The following YBX1 variants were observed in gnomAD, a reference collection of about 807,000 sequenced individuals.
YBX1 encodes Y-box-binding protein 1.
Under a neutral mutation model 41.4 loss-of-function variants are expected in YBX1, and 3 were observed. That is an observed-to-expected ratio of 0.07 (90% CI 0.03 to 0.19). The LOEUF (loss-of-function observed/expected upper bound fraction) is 0.19. Among genes scored for constraint, YBX1 ranks in the 10% least tolerant of loss-of-function variants. YBX1 has a pLI of 1.00. For synonymous variants in YBX1, 133 were observed against 165.8 expected (o/e 0.80, Z 1.52); for missense variants, 274 against 462.8 (o/e 0.59, Z 3.74).
In YBX1 at chr1:42,696,417, C is replaced by A; in HGVS notation, c.354+129C>A. On this transcript the variant is annotated intron_variant, in intron 4 of 7. Coordinates refer to ENST00000321358, the MANE Select transcript of YBX1 (RefSeq NM_004559.5). This position sits in a 1 kb window ranked among gnomAD's most constrained non-coding sequence, Gnocchi z 5.7. ...ACCTCATGAACACAGGTGCATCAAG[C>A]CTAATGTTCTGGCTGCAGTTAGAGG... 1.9e-6 allele frequency: 2 copies of A among 1,036,568 alleles called. No homozygotes were observed. The highest frequency in any genetic ancestry group is 2.8e-6 in the Non-Finnish European group (2 of 710,314). The allele number at this position is 1,036,568 out of a possible 1,614,324, so 64.2% of individuals were successfully genotyped here.
chr1:42,701,559 C>T (rs1570426660), intron 7 of YBX1, among the ~76,000 whole-genome samples: 2 of 150,590 alleles, frequency 1.3e-5, no homozygotes, highest in Middle Eastern at 3.4e-3. Flanking sequence ...ATGTTGTTCC[C>T]GGAAAAAGAC....
rs1055268853 is a variant in YBX1, at chr1:42,682,709, C to T, written c.144C>T (p.Ala48=). The T allele has an allele frequency of 1.3e-5, 16 of 1,247,890 alleles. No homozygotes were observed. The highest frequency in any genetic ancestry group is 3.3e-5 in the South Asian group (1 of 29,882). 77.3% of individuals were successfully genotyped at this position (1,247,890 alleles called of 1,614,324 possible). A position where few individuals can be genotyped will look rare whatever the true frequency, so the allele number is the denominator to read the frequency against. ...GCGGCCTCACATCGGCGGCGCCTGCCGGCGGGGACAAGAAGGTCATCGGTG... is the reference window on the plus strand; with the variant it reads ...GCGGCCTCACATCGGCGGCGCCTGCTGGCGGGGACAAGAAGGTCATCGGTG... ...GPGGLTSAAP[A]GGDKKVIATK... The change falls in exon 1 of 8, where the codon GCC becomes GCT. Residue 48 remains alanine (A), a synonymous_variant. Coordinates refer to ENST00000321358, the MANE Select transcript of YBX1 (RefSeq NM_004559.5).
At chr1:42,684,286 A>C (rs1364605086) in intron 2 of YBX1, among the ~76,000 whole-genome samples, 1 of 152,236 alleles carries the variant, frequency 6.6e-6, no homozygotes, top group African/African-American at 2.4e-5. Flanking sequence ...GACGCACTGT[A>C]TTCCATGGGC....
At position 42,682,460 on chromosome 1, in the gene YBX1, C is replaced by A. The variant is rs939149437; in HGVS notation, c.-106C>A. On this transcript the variant is annotated 5_prime_UTR_variant, in exon 1 of 8. Coordinates refer to ENST00000321358, the MANE Select transcript of YBX1 (RefSeq NM_004559.5). Reference sequence around the variant, plus strand: ...CGGTAGCGGGAGCGGAGAGCGGACCCCAGAGAGCCCTGAGCAGCCCCACCG... The same window carrying A: ...CGGTAGCGGGAGCGGAGAGCGGACCACAGAGAGCCCTGAGCAGCCCCACCG... The A allele has an allele frequency of 1.5e-5, 19 of 1,250,856 alleles. No homozygotes were observed. Among genetic ancestry groups the A allele is most frequent in the South Asian group, 4.1e-5 (2 of 49,038 alleles). The allele number at this position is 1,250,856 out of a possible 1,614,324, so 77.5% of individuals were successfully genotyped here.
At chr1:42,683,160 C>G (rs1199020338) in intron 1 of YBX1, 4 of 651,132 alleles carry the variant, frequency 6.1e-6, no homozygotes, top group Non-Finnish European at 1.1e-5. Flanking sequence ...CCGTCCGCGG[C>G]CTGCGCACAC....
chr1:42,702,952 G>T lies in YBX1; in HGVS notation c.*1003G>T, dbSNP rs952839189. Among the ~76,000 whole-genome samples the T allele has an allele frequency of 6.6e-6, 1 of 152,154 alleles. No individual in the cohort carries two copies. The highest frequency in any genetic ancestry group is 2.4e-5 in the African/African-American group (1 of 41,442). ...GCTGATCTTTTCTCTTTTTGAGACGGAGTCTTGTTCTGTCATCAGGCTGGA... is the reference window on the plus strand; with the variant it reads ...GCTGATCTTTTCTCTTTTTGAGACGTAGTCTTGTTCTGTCATCAGGCTGGA... On this transcript the variant is annotated 3_prime_UTR_variant, in exon 8 of 8. Transcript: ENST00000321358.
At position 42,682,792 on chromosome 1, in the gene YBX1, C is replaced by T. The variant is rs1268207200; in HGVS notation, c.166+61C>T. The stretch of plus-strand genomic sequence containing the variant: ...GGCAGCCCAGCAGCGGAACCGTTAG[C>T]CGGAGCTGGGCGAGCCGGCGGGCGC... On this transcript the variant is annotated intron_variant, in intron 1 of 7. Coordinates refer to ENST00000321358, the MANE Select transcript of YBX1 (RefSeq NM_004559.5). The T allele has an allele frequency of 1.6e-5, 18 of 1,134,044 alleles. No homozygotes were observed. The Admixed American group carries it at 7.2e-4, about 46-fold the overall frequency. 70.2% of individuals were successfully genotyped at this position (1,134,044 alleles called of 1,614,324 possible). A position where few individuals can be genotyped will look rare whatever the true frequency, so the allele number is the denominator to read the frequency against.
At chr1:42,688,826 G>A (rs1186878631) in intron 2 of YBX1, among the ~76,000 whole-genome samples, 1 of 152,202 alleles carries the variant, frequency 6.6e-6, no homozygotes, top group African/African-American at 2.4e-5. Flanking sequence ...TTACCGTATC[G>A]ATAAGTGCAG....
Position 42,683,384 on chromosome 1 carries a change from G to A in YBX1, c.167-19G>A. 1 of 1,613,980 alleles carries A rather than the reference G, an allele frequency of 6.2e-7. No individual in the cohort carries two copies. The highest frequency in any genetic ancestry group is 1.7e-5 in the Admixed American group (1 of 60,012). On this transcript the variant is annotated intron_variant, in intron 1 of 7. Transcript: ENST00000321358. The stretch of plus-strand genomic sequence containing the variant: ...ATAGCTGGTAATCGTGGCTTGTTTT[G>A]CTTTGTTTTCTTTTCCAGCAACGAA...
chr1:42,689,271 G>A (rs899608333), intron 2 of YBX1, among the ~76,000 whole-genome samples: 5 of 152,166 alleles, frequency 3.3e-5, no homozygotes, highest in African/African-American at 1.2e-4. Flanking sequence ...ACAAAGATAA[G>A]TGGACATTAT....
chr1:42,684,177 CTT>C (rs1650133900), intron 2 of YBX1, among the ~76,000 whole-genome samples: 2 of 152,184 alleles, frequency 1.3e-5, no homozygotes, highest in African/African-American at 4.8e-5. Flanking sequence ...TCACTGGTAA[CTT>C]GACATTTTTC....
At chr1:42,691,969 C>T (rs1476441786) in intron 2 of YBX1, among the ~76,000 whole-genome samples, 2 of 152,064 alleles carry the variant, frequency 1.3e-5, no homozygotes, top group South Asian at 2.1e-4. Flanking sequence ...TCCTGCCTCA[C>T]CCCCCAGAGT....
chr1:42,685,904 G>A (rs182000882), intron 2 of YBX1, among the ~76,000 whole-genome samples: 34 of 152,290 alleles, frequency 2.2e-4, no homozygotes, highest in African/African-American at 7.5e-4. Flanking sequence ...TTGTGAAGAA[G>A]GTGCTAAGTA....
intron 6 of YBX1, among the ~76,000 whole-genome samples, chr1:42,700,265 T>TC (rs1650561248): frequency 6.6e-6 from 1 of 152,136 alleles, no homozygotes; most frequent in Non-Finnish European, 1.5e-5. Flanking sequence ...AGGCCAGGAA[T>TC]CCATCATTTC....
chr1:42,696,572 A>T lies in YBX1; in HGVS notation c.355-70A>T, dbSNP rs1299333068. 2.3e-5 allele frequency: 16 copies of T among 708,786 alleles called. No individual in the cohort carries two copies. Among genetic ancestry groups the T allele is most frequent in the Admixed American group, 4.5e-5 (1 of 22,218 alleles). The allele number at this position is 708,786 out of a possible 1,614,324, so 43.9% of individuals were successfully genotyped here. ...TTTTGCTTTGTTTGAAAATGTTCTG[A>T]TTTCCTTTTGAAAGTGTTGAAAGTG... On this transcript the variant is annotated intron_variant, in intron 4 of 7. Transcript: ENST00000321358. This position sits in a 1 kb window ranked among gnomAD's most constrained non-coding sequence, Gnocchi z 5.7.
chr1:42,697,195 G>A lies in YBX1; in HGVS notation c.673G>A (p.Gly225Ser), dbSNP rs755161312. The change falls in exon 6 of 8, where the codon GGT becomes AGT. Residue 225 changes from glycine (G) to serine (S), a missense_variant. Gly to Ser is a moderately conservative substitution (Grantham distance 56). Around this residue, in one of 3 missense-constraint regions of YBX1, gnomAD observed 187 missense variants for 306.3 expected, o/e 0.61. Coordinates refer to ENST00000321358, the MANE Select transcript of YBX1 (RefSeq NM_004559.5). The part of the protein sequence containing the change: ...GEVMEGADNQ[G>S]AGEQGRPVRQ... Reference sequence around the variant, plus strand: ...TCTTTTTCAGGGTGCTGACAACCAGGGTGCAGGAGAACAAGGTAGACCAGT... The same window carrying A: ...TCTTTTTCAGGGTGCTGACAACCAGAGTGCAGGAGAACAAGGTAGACCAGT... 70 of 1,613,728 alleles carry A rather than the reference G, an allele frequency of 4.3e-5. No homozygotes were observed. The highest frequency in any genetic ancestry group is 2.9e-4 in the South Asian group (26 of 91,028).
chr1:42,689,111 C>T (rs1203860020), intron 2 of YBX1, among the ~76,000 whole-genome samples: 2 of 152,184 alleles, frequency 1.3e-5, no homozygotes, highest in East Asian at 1.9e-4. Context: ...TTCCTGTCCC[C>T]CTAGTCCTGG....
intron 1 of YBX1, chr1:42,683,089 C>G: frequency 5.6e-6 from 3 of 535,802 alleles, no homozygotes; most frequent in East Asian, 1.0e-4. Context: ...CGCGTGTGCT[C>G]GGAGGGCGCG....
At chr1:42,699,014 G>T (rs191419384) in intron 6 of YBX1, among the ~76,000 whole-genome samples, 4 of 152,328 alleles carry the variant, frequency 2.6e-5, no homozygotes, top group Admixed American at 2.0e-4. Flanking sequence ...TGCTGAAAAT[G>T]AGACTAATAG....
Sources: gnomAD v4.1 joint callset for allele counts (sites outside exome capture counted in the v4.1 genomes callset) on GRCh38, gnomAD v4.1.1 for gene constraint, gnomAD v4.1.1 regional missense constraint, Gnocchi (gnomAD v3.1) non-coding constraint, MANE v1.5 for transcripts, NCBI Gene and HGNC (gene_info 2026-07-23, HGNC 2026-07-21) for gene names.